The following DOCK4 variants were observed in gnomAD, a reference collection of about 807,000 sequenced individuals.
DOCK4 encodes dedicator of cytokinesis 4.
In DOCK4, 97 loss-of-function variants were observed where a neutral mutation model predicts 268.1. The ratio of observed to expected loss-of-function variants is 0.36; its 90% CI spans 0.31 to 0.43. The LOEUF is 0.43. Ranked by LOEUF, DOCK4 falls within the 20% of genes least tolerant of loss-of-function variation. The pLI, the probability that DOCK4 is intolerant of heterozygous loss-of-function variation, is 1.00. For synonymous variants in DOCK4, 954 were observed against 887.2 expected, an observed-to-expected ratio of 1.08 and a Z score of -1.34; for missense variants, 2,145 against 2,455.7, an observed-to-expected ratio of 0.87 and a Z score of 2.67.
chr7:111,786,441 T>C (rs1204806402), intron 32 of DOCK4, among the ~76,000 whole-genome samples: 1 of 152,300 alleles, frequency 6.6e-6, no homozygotes, highest in East Asian at 1.9e-4. Flanking sequence ...GTCTATAATC[T>C]AGAATTTCAG....
intron 1 of DOCK4, among the ~76,000 whole-genome samples, chr7:112,172,662 G>C (rs2107115): frequency 0.48 from 73,187 of 152,074 alleles, 20,913 homozygotes; most frequent in East Asian, 0.73. Context: ...ATAAATTCAT[G>C]AACAGTATGT....
chr7:111,934,818 C>T (rs1794592401), intron 12 of DOCK4, among the ~76,000 whole-genome samples: 3 of 151,090 alleles, frequency 2.0e-5, no homozygotes, highest in African/African-American at 2.4e-5. Flanking sequence ...GGATTACAGG[C>T]GTGAGCCACT....
rs1049104891 is a variant in DOCK4, at chr7:111,978,819, G to C, written c.550-1536C>G. 3.3e-5 allele frequency among the ~76,000 whole-genome samples: 5 copies of C among 152,254 alleles called. No individual in the cohort carries two copies. The East Asian group carries it at 9.7e-4, about 29-fold the overall frequency. On this transcript the variant is annotated intron_variant, in intron 7 of 52. Transcript: ENST00000428084. Reference sequence around the variant, plus strand: ...TTGTATAGTTGGACCAACAGTTCACGGTCCAGCCATTTCTTGGACCACACT... The same window carrying C: ...TTGTATAGTTGGACCAACAGTTCACCGTCCAGCCATTTCTTGGACCACACT...
intron 5 of DOCK4, among the ~76,000 whole-genome samples, chr7:111,993,688 C>A (rs73210913): frequency 0.028 from 4,207 of 152,124 alleles, 72 homozygotes; most frequent in Non-Finnish European, 0.043. Context: ...ATCCTTTTTC[C>A]CCTCAAGAAA....
intron 1 of DOCK4, among the ~76,000 whole-genome samples, chr7:112,204,741 G>GAA (rs909948957): frequency 2.0e-5 from 3 of 148,380 alleles, no homozygotes; most frequent in African/African-American, 7.5e-5. Flanking sequence ...GCAAAGTTGG[G>GAA]AAAAAAAAAA....
At chr7:112,098,449 T>A (rs992691907) in intron 1 of DOCK4, among the ~76,000 whole-genome samples, 72 of 151,756 alleles carry the variant, frequency 4.7e-4, no homozygotes, top group African/African-American at 1.7e-3. Context: ...AGTATTGGGA[T>A]TACAGGTGCA....
At chr7:112,058,631 A>C (rs1806068304) in intron 1 of DOCK4, among the ~76,000 whole-genome samples, 3 of 152,210 alleles carry the variant, frequency 2.0e-5, no homozygotes, top group African/African-American at 7.2e-5. Flanking sequence ...TCAGGGCTTC[A>C]ATGAAGCAAG....
At chr7:111,977,671 A>G (rs1351836935) in intron 7 of DOCK4, among the ~76,000 whole-genome samples, 1 of 152,192 alleles carries the variant, frequency 6.6e-6, no homozygotes, top group Admixed American at 6.5e-5. Flanking sequence ...TCCCTTATCA[A>G]CTCCCAAGAT....
intron 1 of DOCK4, among the ~76,000 whole-genome samples, chr7:112,046,882 T>A (rs1415126920): frequency 6.6e-6 from 1 of 151,666 alleles, no homozygotes; most frequent in African/African-American, 2.4e-5. Context: ...GAGTTGGGAG[T>A]CTGAGGGGAC....
chr7:111,798,996 T>C (rs1340957677), intron 30 of DOCK4, among the ~76,000 whole-genome samples: 2 of 152,130 alleles, frequency 1.3e-5, no homozygotes, highest in Non-Finnish European at 1.5e-5. Flanking sequence ...AAGAAACAAG[T>C]GAGGTAGCCA....
chr7:112,153,609 T>C (rs893675330), intron 1 of DOCK4, among the ~76,000 whole-genome samples: 1 of 152,210 alleles, frequency 6.6e-6, no homozygotes, highest in Non-Finnish European at 1.5e-5. Flanking sequence ...TGTTTCTCCA[T>C]CATGTATATT....
intron 1 of DOCK4, among the ~76,000 whole-genome samples, chr7:112,100,680 CTGA>C (rs1232066535): frequency 6.6e-6 from 1 of 152,208 alleles, no homozygotes; most frequent in Admixed American, 6.5e-5. Flanking sequence ...TTCTATCTCC[CTGA>C]TTAGACTCAG....
At chr7:111,887,360 G>T (rs1228531343) in intron 16 of DOCK4, among the ~76,000 whole-genome samples, 1 of 152,148 alleles carries the variant, frequency 6.6e-6, no homozygotes, top group Non-Finnish European at 1.5e-5. Context: ...TAGCTTACCT[G>T]CCCAAATGGA....
chr7:112,128,323 G>T (rs935306416), intron 1 of DOCK4, among the ~76,000 whole-genome samples: 2 of 151,840 alleles, frequency 1.3e-5, no homozygotes, highest in African/African-American at 4.8e-5. Flanking sequence ...CCGGCCAGCC[G>T]CCCCGTCCGG....
At chr7:111,843,757 AT>A (rs2134075360) in intron 25 of DOCK4, among the ~76,000 whole-genome samples, 2 of 152,354 alleles carry the variant, frequency 1.3e-5, no homozygotes, top group African/African-American at 4.8e-5. Flanking sequence ...TGAATATAAA[AT>A]ACAGATATAA....
chr7:111,942,492 C>A (rs1795290589), intron 10 of DOCK4, among the ~76,000 whole-genome samples: 1 of 152,164 alleles, frequency 6.6e-6, no homozygotes, highest in Non-Finnish European at 1.5e-5. Flanking sequence ...TAAAGTTTAA[C>A]TTCCTGGTTC....
intron 1 of DOCK4, among the ~76,000 whole-genome samples, chr7:112,197,295 C>CAAA (rs397978122): frequency 3.7e-4 from 49 of 131,118 alleles, no homozygotes; most frequent in Middle Eastern, 4.0e-3. Context: ...ATATATTTAC[C>CAAA]AAAAAAAAAA....
At chr7:111,754,073 T>C (rs1796866594) in intron 42 of DOCK4, among the ~76,000 whole-genome samples, 1 of 152,238 alleles carries the variant, frequency 6.6e-6, no homozygotes, top group Non-Finnish European at 1.5e-5. Flanking sequence ...GCTCTCTGAA[T>C]CATTAATGCA....
chr7:112,183,703 T>A (rs1222769300), intron 1 of DOCK4, among the ~76,000 whole-genome samples: 1 of 152,030 alleles, frequency 6.6e-6, no homozygotes, highest in Non-Finnish European at 1.5e-5. Flanking sequence ...GGGGTGAGGG[T>A]TGGGTAGTTC....
Sources: gnomAD v4.1 joint callset for allele counts (sites outside exome capture counted in the v4.1 genomes callset) on GRCh38, gnomAD v4.1.1 for gene constraint, MANE v1.5 for transcripts, NCBI Gene and HGNC (gene_info 2026-07-23, HGNC 2026-07-21) for gene names.